The following ZFAND3 variants were observed in gnomAD, a reference collection of about 807,000 sequenced individuals.
The protein encoded by ZFAND3 is zinc finger AN1-type containing 3, also known as AN1-type zinc finger protein 3.
ZFAND3 carries 10 observed loss-of-function variants against 29.6 expected under a neutral mutation model. The observed-to-expected ratio is 0.34, with a 90% CI of 0.21 to 0.57. The LOEUF (loss-of-function observed/expected upper bound fraction) is 0.57. Among genes scored for constraint, ZFAND3 ranks in the 20% least tolerant of loss-of-function variants. The pLI is 0.86. For missense variants in ZFAND3, 230 were observed against 304.5 expected, an observed-to-expected ratio of 0.76 and a Z score of 1.82; for synonymous variants, 128 against 112.6, an observed-to-expected ratio of 1.14 and a Z score of -0.87.
chr6:37,909,365 C>T (rs1042444029), intron 1 of ZFAND3, among the ~76,000 whole-genome samples: 3 of 151,250 alleles, frequency 2.0e-5, no homozygotes, highest in South Asian at 4.2e-4. Context: ...CTGCATCCTC[C>T]GCCTCCCAGG....
rs1271876233 is a variant in ZFAND3, at chr6:38,021,247, G to A, written c.113-40346G>A. On this transcript the variant is annotated intron_variant, in intron 2 of 5. Coordinates refer to ENST00000287218, the MANE Select transcript of ZFAND3 (RefSeq NM_021943.3). ...GAGCAAACATTATCCCAGCTGCCGC[G>A]ATAAGTAATGTGGAGAAGATTAATG... Among the ~76,000 whole-genome samples the A allele has an allele frequency of 3.9e-5, 6 of 152,320 alleles. No homozygotes were observed. The East Asian group carries it at 9.6e-4, about 24-fold the overall frequency.
At chr6:37,880,157 A>G (rs917578004) in intron 1 of ZFAND3, among the ~76,000 whole-genome samples, 1 of 152,222 alleles carries the variant, frequency 6.6e-6, no homozygotes, top group East Asian at 1.9e-4. Context: ...TTAAAAATGT[A>G]GCAACAAAAA....
intron 2 of ZFAND3, among the ~76,000 whole-genome samples, chr6:37,997,141 A>G (rs1014987754): frequency 3.9e-5 from 6 of 152,304 alleles, no homozygotes; most frequent in Non-Finnish European, 8.8e-5. Flanking sequence ...TTTTTGCATT[A>G]TCCAGTCATT....
intron 5 of ZFAND3, among the ~76,000 whole-genome samples, chr6:38,144,218 A>AAT (rs1394446695): frequency 1.4e-3 from 44 of 31,434 alleles, no homozygotes; most frequent in Middle Eastern, 9.8e-3. Flanking sequence ...TATAATATAT[A>AAT]ATATATATAT....
intron 2 of ZFAND3, among the ~76,000 whole-genome samples, chr6:37,943,294 T>C (rs757066991): frequency 3.6e-4 from 55 of 152,202 alleles, no homozygotes; most frequent in Non-Finnish European, 7.4e-4. Flanking sequence ...ATATTGCTAG[T>C]ACTTTAAATT....
chr6:38,057,463 A>G (rs1764152198), intron 2 of ZFAND3, among the ~76,000 whole-genome samples: 2 of 152,174 alleles, frequency 1.3e-5, no homozygotes, highest in Admixed American at 6.5e-5. Flanking sequence ...TAAGTTAGGA[A>G]AATACCTTTT....
At chr6:38,124,969 G>A (rs897972657) in intron 5 of ZFAND3, among the ~76,000 whole-genome samples, 11 of 152,178 alleles carry the variant, frequency 7.2e-5, no homozygotes, top group African/African-American at 2.7e-4. Flanking sequence ...AGCTTCTCCA[G>A]TACTCCTAAG....
intron 1 of ZFAND3, among the ~76,000 whole-genome samples, chr6:37,907,679 A>G (rs1365180205): frequency 2.0e-5 from 3 of 152,216 alleles, no homozygotes; most frequent in Non-Finnish European, 2.9e-5. Context: ...TGCATAATGA[A>G]CATTCAAGTA....
chr6:38,108,440 C>T (rs6458041), intron 4 of ZFAND3, among the ~76,000 whole-genome samples: 70,687 of 151,894 alleles, frequency 0.47, 17,155 homozygotes, highest in Non-Finnish European at 0.53. Flanking sequence ...TCCAAAAGCC[C>T]CCAAACAAAG....
chr6:37,901,081 A>C (rs1410328863), intron 1 of ZFAND3, among the ~76,000 whole-genome samples: 1 of 152,122 alleles, frequency 6.6e-6, no homozygotes, highest in African/African-American at 2.4e-5. Flanking sequence ...TTATTGAAAG[A>C]TAGGCTACTG....
chr6:37,966,648 G>A (rs1762298078), intron 2 of ZFAND3, among the ~76,000 whole-genome samples: 1 of 151,818 alleles, frequency 6.6e-6, no homozygotes, highest in Middle Eastern at 3.2e-3. Context: ...TTGAGAAGAA[G>A]TTGCCAGCTT....
chr6:38,065,651 G>C (rs1426918360), intron 3 of ZFAND3, among the ~76,000 whole-genome samples: 1 of 152,128 alleles, frequency 6.6e-6, no homozygotes, highest in Non-Finnish European at 1.5e-5. Context: ...TTAACTTTCT[G>C]CCCTAAGTTA....
intron 3 of ZFAND3, among the ~76,000 whole-genome samples, chr6:38,067,524 A>G (rs1306764579): frequency 1.3e-5 from 2 of 152,242 alleles, no homozygotes; most frequent in African/African-American, 4.8e-5. Context: ...AAATTAGGCT[A>G]TACAGTGGAA....
intron 2 of ZFAND3, among the ~76,000 whole-genome samples, chr6:38,019,902 A>G (rs975112770): frequency 7.2e-5 from 11 of 151,986 alleles, no homozygotes; most frequent in African/African-American, 2.7e-4. Context: ...TTGTATTTTT[A>G]GTAGAGACGG....
intron 2 of ZFAND3, among the ~76,000 whole-genome samples, chr6:37,943,237 A>G (rs771414809): frequency 1.3e-5 from 2 of 152,162 alleles, no homozygotes; most frequent in Non-Finnish European, 2.9e-5. Context: ...GATCATTGTA[A>G]CAGTATTACT....
chr6:38,084,899 A>G (rs1323643357), intron 4 of ZFAND3, among the ~76,000 whole-genome samples: 1 of 152,232 alleles, frequency 6.6e-6, no homozygotes, highest in Non-Finnish European at 1.5e-5. Flanking sequence ...TCTTTTCAAG[A>G]AGACTGTTCT....
intron 1 of ZFAND3, among the ~76,000 whole-genome samples, chr6:37,861,597 A>G (rs992882183): frequency 6.6e-6 from 1 of 152,234 alleles, no homozygotes; most frequent in Non-Finnish European, 1.5e-5. Flanking sequence ...AGGTGAAGAA[A>G]GTAAGACTTA....
intron 2 of ZFAND3, among the ~76,000 whole-genome samples, chr6:38,041,950 C>T (rs2127456386): frequency 6.7e-6 from 1 of 149,806 alleles, no homozygotes; most frequent in South Asian, 2.1e-4. Context: ...GATTCTTGTG[C>T]CTCAGCCTCC....
At chr6:37,963,330 TG>T (rs573339825) in intron 2 of ZFAND3, among the ~76,000 whole-genome samples, 187 of 152,240 alleles carry the variant, frequency 1.2e-3, no homozygotes, top group Middle Eastern at 3.4e-3. Context: ...CCCAAACCTG[TG>T]GGATATAGCG....
Sources: allele counts gnomAD v4.1 joint callset (sites outside exome capture counted in the v4.1 genomes callset), GRCh38; gene constraint gnomAD v4.1.1; transcripts MANE v1.5; gene names NCBI Gene and HGNC (gene_info 2026-07-23, HGNC 2026-07-21).